Variants in TMEM9 observed in about 807,000 individuals in gnomAD.
The protein encoded by TMEM9 is proton-transporting V-type ATPase complex assembly regulator TMEM9.
Under a neutral mutation model 22.8 loss-of-function variants are expected in TMEM9, and 13 were observed. The observed-to-expected ratio is 0.57, with a 90% confidence interval of 0.37 to 0.91. The LOEUF (loss-of-function observed/expected upper bound fraction) is 0.91. Among genes scored for constraint, TMEM9 ranks in the 40% least tolerant of loss-of-function variants. The probability of loss-of-function intolerance (pLI) is 0.01; values close to 1 mark genes in which losing one functional copy is unlikely to be tolerated. For missense variants in TMEM9, 182 were observed against 238.1 expected, an observed-to-expected ratio of 0.76 and a Z score of 1.55; for synonymous variants, 88 against 93.0, an observed-to-expected ratio of 0.95 and a Z score of 0.31.
chr1:201,143,500 A>ACACGGG lies in TMEM9; in HGVS notation c.399+314_399+319dup, dbSNP rs543386665. ...AGCAGCTTGTCACCAATGTCTGAGC[A>ACACGGG]CACGGGGGATATCATGTGTATCTAT... On this transcript the variant is annotated intron_variant, in intron 4 of 4. Transcript: ENST00000367330. Among the ~76,000 whole-genome samples, 66 of 152,248 alleles carry ACACGGG rather than the reference A, an allele frequency of 4.3e-4. No homozygotes were observed. In the East Asian group the frequency reaches 0.012, roughly 28 times the overall value.
Position 201,140,866 on chromosome 1 carries a change from C to T in TMEM9, c.399+2954G>A, listed in dbSNP as rs557350428. ...ATGGCTACAGCCTAGGTGCTGCTGC[C>T]GCTCAGCTGAATGCCTGCCCCCCAG... is the stretch of plus-strand genomic sequence containing the variant. On this transcript the variant is annotated intron_variant, in intron 4 of 4. Transcript: ENST00000367330. 8.0e-4 allele frequency among the ~76,000 whole-genome samples: 122 copies of T among 152,330 alleles called. 6 individuals carry two copies. In the South Asian group the frequency reaches 0.025, roughly 31 times the overall value.
intron 1 of TMEM9, among the ~76,000 whole-genome samples, chr1:201,169,109 A>C (rs1346463052): frequency 2.0e-5 from 3 of 151,898 alleles, no homozygotes; most frequent in African/African-American, 7.3e-5. Context: ...GCACATGCTT[A>C]GAAAATTGCG....
chr1:201,149,517 C>T (rs571280042), intron 2 of TMEM9, among the ~76,000 whole-genome samples: 220 of 152,274 alleles, frequency 1.4e-3, no homozygotes, highest in African/African-American at 4.9e-3. Flanking sequence ...ATCTCCTTGC[C>T]GGACCCACCA....
At chr1:201,160,968 G>T (rs1189907072) in intron 1 of TMEM9, among the ~76,000 whole-genome samples, 1 of 151,158 alleles carries the variant, frequency 6.6e-6, no homozygotes, top group African/African-American at 2.4e-5. Context: ...GGACCCTAAA[G>T]AATTTTGTTT....
chr1:201,137,934 G>A (rs1415667192), intron 4 of TMEM9, among the ~76,000 whole-genome samples: 2 of 152,160 alleles, frequency 1.3e-5, no homozygotes, highest in African/African-American at 4.8e-5. Context: ...TGGCCACAGT[G>A]CTAAGACCAA....
chr1:201,153,597 T>C (rs1426383780), intron 1 of TMEM9, among the ~76,000 whole-genome samples: 2 of 152,230 alleles, frequency 1.3e-5, no homozygotes, highest in Admixed American at 6.5e-5. Flanking sequence ...TCTCCAAACT[T>C]CCTTGCTGGA....
At chr1:201,160,563 T>C (rs1428624524) in intron 1 of TMEM9, among the ~76,000 whole-genome samples, 1 of 151,346 alleles carries the variant, frequency 6.6e-6, no homozygotes, top group Non-Finnish European at 1.5e-5. Flanking sequence ...CACTTCAGCC[T>C]AGGCAACAAG....
chr1:201,151,218 G>A (rs12027879), intron 2 of TMEM9, among the ~76,000 whole-genome samples: 3,790 of 152,194 alleles, frequency 0.025, 106 homozygotes, highest in East Asian at 0.12. Context: ...TCCCTTCACC[G>A]CACTAGTCTC....
At chr1:201,160,514 A>C (rs1558120651) in intron 1 of TMEM9, among the ~76,000 whole-genome samples, 1 of 152,068 alleles carries the variant, frequency 6.6e-6, no homozygotes, top group Non-Finnish European at 1.5e-5. Flanking sequence ...GCTTGAACCC[A>C]GGAGGCAGAG....
intron 1 of TMEM9, among the ~76,000 whole-genome samples, chr1:201,171,144 C>G (rs1666201479): frequency 6.6e-6 from 1 of 152,214 alleles, no homozygotes; most frequent in Non-Finnish European, 1.5e-5. Flanking sequence ...CCGTCCTTCC[C>G]CACCCGGGAG....
At chr1:201,167,700 T>C (rs1209431280) in intron 1 of TMEM9, among the ~76,000 whole-genome samples, 1 of 152,182 alleles carries the variant, frequency 6.6e-6, no homozygotes, top group Non-Finnish European at 1.5e-5. Flanking sequence ...AACTATAAAC[T>C]AAATGTCTCC....
intron 1 of TMEM9, among the ~76,000 whole-genome samples, chr1:201,169,509 C>G (rs1035649257): frequency 9.9e-5 from 15 of 152,092 alleles, no homozygotes; most frequent in Non-Finnish European, 2.2e-4. Flanking sequence ...AGGACAGTGG[C>G]CAGTATGGTG....
intron 1 of TMEM9, among the ~76,000 whole-genome samples, chr1:201,160,014 G>A (rs971561476): frequency 4.6e-5 from 7 of 152,102 alleles, no homozygotes; most frequent in Non-Finnish European, 1.0e-4. Context: ...TAGACCTCAT[G>A]GCACTGCATA....
intron 4 of TMEM9, among the ~76,000 whole-genome samples, chr1:201,137,875 G>A (rs1488782411): frequency 6.6e-6 from 1 of 152,208 alleles, no homozygotes; most frequent in East Asian, 1.9e-4. Flanking sequence ...CATGGCTGCT[G>A]CCCCTCCTTC....
chr1:201,142,491 C>G (rs1664615160), intron 4 of TMEM9, among the ~76,000 whole-genome samples: 1 of 152,332 alleles, frequency 6.6e-6, no homozygotes, highest in African/African-American at 2.4e-5. Flanking sequence ...TCTCTCTGTC[C>G]CTGGATGAAG....
intron 1 of TMEM9, among the ~76,000 whole-genome samples, chr1:201,161,312 A>G (rs1558121006): frequency 6.6e-6 from 1 of 152,226 alleles, no homozygotes; most frequent in Non-Finnish European, 1.5e-5. Context: ...ACATCTTAGT[A>G]TTTCTAGGAA....
chr1:201,143,672 G>T (rs1664718889), intron 4 of TMEM9, 148 bp downstream of exon 4: 1 of 695,290 alleles, frequency 1.4e-6, no homozygotes, highest in South Asian at 1.9e-5. Context: ...TCCCTGCTGA[G>T]TCTGGGTGAT....
chr1:201,144,163 T>C, intron 3 of TMEM9: 1 of 524,838 alleles, frequency 1.9e-6, no homozygotes, highest in Non-Finnish European at 3.4e-6. Flanking sequence ...TGTCCTAACT[T>C]GAGGGAGTCT....
chr1:201,140,144 C>T (rs1664393207), intron 4 of TMEM9, among the ~76,000 whole-genome samples: 1 of 152,220 alleles, frequency 6.6e-6, no homozygotes, highest in Admixed American at 6.5e-5. Flanking sequence ...GTTCCAGTTC[C>T]CATCATCATC....
Sources: allele counts gnomAD v4.1 joint callset (sites outside exome capture counted in the v4.1 genomes callset), GRCh38; gene constraint gnomAD v4.1.1; transcripts MANE v1.5; gene names NCBI Gene and HGNC (gene_info 2026-07-23, HGNC 2026-07-21).